ITGA4: variants seen among roughly 807,000 people sequenced by gnomAD.
ITGA4 encodes integrin alpha-4.
Under a neutral mutation model 133.6 loss-of-function variants are expected in ITGA4, and 63 were observed. The observed-to-expected ratio is 0.47, with a 90% CI of 0.38 to 0.58. The LOEUF (loss-of-function observed/expected upper bound fraction) is 0.58, where lower values mean the gene tolerates loss of function less well. ITGA4 is among the 20% of genes least tolerant of loss of function. ITGA4 has a pLI of 0.00. For synonymous variants in ITGA4, 483 were observed against 438.0 expected, an observed-to-expected ratio of 1.10 and a Z score of -1.28; for missense variants, 1,076 against 1,252.7, an observed-to-expected ratio of 0.86 and a Z score of 2.13.
rs74634738 is a variant in ITGA4, at chr2:181,531,811, T to G, written c.2784+35T>G. On this transcript the variant is annotated intron_variant, in intron 25 of 27. Coordinates refer to ENST00000397033, the MANE Select transcript of ITGA4 (RefSeq NM_000885.6). ...TCTAAAACATTGACAACTTGGTGGC[T>G]AAGTTTACATAAAATCTATAAATTC... is the stretch of plus-strand genomic sequence containing the variant. 154 of 1,490,186 alleles carry G rather than the reference T, an allele frequency of 1.0e-4. 1 individual carries two copies. In the East Asian group the frequency reaches 3.7e-3, roughly 36 times the overall value. The allele number at this position is 1,490,186 out of a possible 1,614,324, so 92.3% of individuals were successfully genotyped here.
intron 17 of ITGA4, among the ~76,000 whole-genome samples, chr2:181,514,144 G>A (rs1026402): frequency 0.98 from 148,821 of 152,222 alleles, 72,852 homozygotes; most frequent in Middle Eastern, 1. Context: ...AGAAATTTCA[G>A]TGTGGAAGGA....
chr2:181,536,806 G>GATC lies in ITGA4; in HGVS notation c.*1281_*1282insCAT. 1 of 303,404 alleles carries GATC rather than the reference G, an allele frequency of 3.3e-6. No homozygotes were observed. Among genetic ancestry groups the GATC allele is most frequent in the East Asian group, 8.7e-5 (1 of 11,480 alleles). The allele number at this position is 303,404 out of a possible 1,614,324, so 18.8% of individuals were successfully genotyped here. A position where few individuals can be genotyped will look rare whatever the true frequency, so the allele number is the denominator to read the frequency against. Reference sequence around the variant, plus strand: ...ATATTTATTTTATGCTTATGATCTAGATAATTGCAGAATATCATTTTATCT... The same window carrying GATC: ...ATATTTATTTTATGCTTATGATCTAGATCATAATTGCAGAATATCATTTTATCT... On this transcript the variant is annotated 3_prime_UTR_variant, in exon 28 of 28. Coordinates refer to ENST00000397033, the MANE Select transcript of ITGA4 (RefSeq NM_000885.6).
intron 21 of ITGA4, 43 bp downstream of exon 21, chr2:181,525,334 TAC>T (rs771880176): frequency 4.3e-5 from 45 of 1,037,108 alleles, no homozygotes; most frequent in South Asian, 2.2e-4. Flanking sequence ...AGAGCTGATT[TAC>T]AGTTTCCTTG....
At chr2:181,462,116 G>A (rs1234050697) in intron 2 of ITGA4, among the ~76,000 whole-genome samples, 1 of 152,140 alleles carries the variant, frequency 6.6e-6, no homozygotes, top group African/African-American at 2.4e-5. Flanking sequence ...CACTGCTGTA[G>A]AGAAACATTA....
chr2:181,486,873 C>T (rs765895980), intron 10 of ITGA4, among the ~76,000 whole-genome samples: 10 of 152,038 alleles, frequency 6.6e-5, no homozygotes, highest in African/African-American at 9.7e-5. Flanking sequence ...AATTAGTATA[C>T]GGTAGTTTTA....
intron 10 of ITGA4, among the ~76,000 whole-genome samples, chr2:181,486,547 A>C (rs1041728392): frequency 3.5e-4 from 54 of 152,140 alleles, no homozygotes; most frequent in South Asian, 1.0e-3. Flanking sequence ...GGCCACTGGG[A>C]GGCCTGGGGA....
At chr2:181,468,412 AATGT>A (rs1402842640) in intron 2 of ITGA4, among the ~76,000 whole-genome samples, 3 of 152,134 alleles carry the variant, frequency 2.0e-5, no homozygotes, top group African/African-American at 7.2e-5. Context: ...GTGGTGATAT[AATGT>A]ATTTCAAAAT....
intron 14 of ITGA4, among the ~76,000 whole-genome samples, chr2:181,497,282 A>G (rs992081083): frequency 7.2e-5 from 11 of 152,240 alleles, no homozygotes; most frequent in South Asian, 2.1e-4. Context: ...CATACGAAAC[A>G]CATAAATAAT....
intron 25 of ITGA4, 90 bp downstream of exon 25, chr2:181,531,866 T>C: frequency 1.2e-6 from 1 of 826,408 alleles, no homozygotes; most frequent in South Asian, 2.6e-5. Flanking sequence ...TATGAAGGCA[T>C]TCAACAAATT....
intron 10 of ITGA4, among the ~76,000 whole-genome samples, chr2:181,487,667 A>G (rs1685951079): frequency 6.6e-6 from 1 of 152,250 alleles, no homozygotes; most frequent in South Asian, 2.1e-4. Context: ...TCTCATAAGT[A>G]ACCAGCAATT....
At position 181,525,202 on chromosome 2, in the gene ITGA4, T is replaced by C; in HGVS notation, c.2250T>C (p.Cys750=). 1 of 1,581,304 alleles carries C rather than the reference T, an allele frequency of 6.3e-7. No homozygotes were observed. The highest frequency in any genetic ancestry group is 8.7e-7 in the Non-Finnish European group (1 of 1,151,270). ...EDLSITVHAT[C]ENEEEMDNLK... ...AACAGGGTGTTTTCTGTTTGTATAG[T>C]GAAAATGAAGAGGAAATGGACAATC... Residue 750 remains cysteine (C), a splice_region_variant and synonymous_variant, in exon 21 of 28, where the codon TGT becomes TGC. Coordinates refer to ENST00000397033, the MANE Select transcript of ITGA4 (RefSeq NM_000885.6).
intron 25 of ITGA4, among the ~76,000 whole-genome samples, chr2:181,533,690 AAT>A (rs1686992857): frequency 6.6e-6 from 1 of 152,182 alleles, no homozygotes; most frequent in Non-Finnish European, 1.5e-5. Context: ...TAAAATGTTA[AAT>A]AACATTTACA....
At chr2:181,467,534 T>C (rs1217405316) in intron 2 of ITGA4, among the ~76,000 whole-genome samples, 1 of 152,188 alleles carries the variant, frequency 6.6e-6, no homozygotes, top group African/African-American at 2.4e-5. Context: ...CTGGTCCTTC[T>C]TTCTTTAGTG....
intron 14 of ITGA4, among the ~76,000 whole-genome samples, chr2:181,497,876 CT>C (rs984702185): frequency 8.2e-4 from 121 of 147,622 alleles, no homozygotes; most frequent in African/African-American, 2.5e-3. Flanking sequence ...TTCTTTTTTC[CT>C]TTTTTTTTTC....
chr2:181,459,187 T>C (rs1685207361), intron 2 of ITGA4: 1 of 152,238 alleles, frequency 6.6e-6, no homozygotes, highest in African/African-American at 2.4e-5. Context: ...GAGTTGCAAA[T>C]ACCTTTTTAA....
chr2:181,537,058 G>A lies in ITGA4; in HGVS notation c.*1531G>A, dbSNP rs199585486. The A allele has an allele frequency of 4.3e-5, 19 of 444,542 alleles. No homozygotes were observed. Among genetic ancestry groups the A allele is most frequent in the Non-Finnish European group, 7.7e-5 (17 of 221,738 alleles). 27.5% of individuals were successfully genotyped at this position (444,542 alleles called of 1,614,324 possible). On this transcript the variant is annotated 3_prime_UTR_variant, in exon 28 of 28. Transcript: ENST00000397033. ...AAGGCATTTGAGTAGTGAAATGTAAGCACAAAACCTCCTGAACCCAGAGTG... is the reference window on the plus strand; with the variant it reads ...AAGGCATTTGAGTAGTGAAATGTAAACACAAAACCTCCTGAACCCAGAGTG...
chr2:181,530,400 A>G (rs562700019), intron 23 of ITGA4, 124 bp from the exon 24 acceptor site: 1 of 871,890 alleles, frequency 1.1e-6, no homozygotes, highest in African/African-American at 1.7e-5. Context: ...AAATTTCTAC[A>G]ATTTCAGAGG....
chr2:181,488,118 A>G (rs1170536223), intron 10 of ITGA4, among the ~76,000 whole-genome samples: 2 of 152,250 alleles, frequency 1.3e-5, no homozygotes, highest in African/African-American at 2.4e-5. Context: ...TGTCAATGAC[A>G]AATTTGAATT....
intron 7 of ITGA4, 62 bp downstream of exon 7, chr2:181,481,745 A>G: frequency 1.4e-6 from 1 of 694,946 alleles, no homozygotes; most frequent in South Asian, 2.1e-5. Context: ...CATGAATAAG[A>G]TATTAAAGGA....
Sources: allele counts gnomAD v4.1 joint callset (sites outside exome capture counted in the v4.1 genomes callset), GRCh38; gene constraint gnomAD v4.1.1; transcripts MANE v1.5; gene names NCBI Gene and HGNC (gene_info 2026-07-23, HGNC 2026-07-21).